Variants in CNTNAP2 observed in about 807,000 individuals in gnomAD.
CNTNAP2 encodes contactin associated protein 2.
CNTNAP2 carries 98 observed loss-of-function variants against 155.2 expected under a neutral mutation model. The observed-to-expected ratio is 0.63, with a 90% CI of 0.54 to 0.75. CNTNAP2 has a LOEUF of 0.75. Ranked by LOEUF, CNTNAP2 falls within the 30% of genes least tolerant of loss-of-function variation. The probability of loss-of-function intolerance (pLI) is 0.00; values close to 1 mark genes in which losing one functional copy is unlikely to be tolerated. For synonymous variants in CNTNAP2, 651 were observed against 631.2 expected, an observed-to-expected ratio of 1.03 and a Z score of -0.47; for missense variants, 1,727 against 1,688.1, an observed-to-expected ratio of 1.02 and a Z score of -0.40.
chr7:146,151,908 G>A (rs941301633), intron 1 of CNTNAP2, among the ~76,000 whole-genome samples: 3 of 150,658 alleles, frequency 2.0e-5, no homozygotes, highest in East Asian at 2.0e-4. Flanking sequence ...ACTCTCAAAC[G>A]CTGTTGGGAA....
chr7:147,522,950 T>C (rs1461618356), intron 11 of CNTNAP2, among the ~76,000 whole-genome samples: 1 of 152,192 alleles, frequency 6.6e-6, no homozygotes, highest in African/African-American at 2.4e-5. Context: ...TTCATTTTCA[T>C]ACTAGTTATG....
At chr7:146,117,152 T>G (rs1051030189) in intron 1 of CNTNAP2, 179 bp downstream of exon 1, 2 of 616,108 alleles carry the variant, frequency 3.2e-6, no homozygotes, top group Non-Finnish European at 5.8e-6. Context: ...GTTTCTGTTT[T>G]GGAAGAGACA....
chr7:148,373,643 A>G (rs963650302), intron 21 of CNTNAP2, among the ~76,000 whole-genome samples: 14 of 152,292 alleles, frequency 9.2e-5, no homozygotes, highest in African/African-American at 2.9e-4. Flanking sequence ...ACATATTACA[A>G]TGAGACCATA....
chr7:146,357,222 T>C, intron 1 of CNTNAP2, among the ~76,000 whole-genome samples: 1 of 105,530 alleles, frequency 9.5e-6, no homozygotes, highest in Admixed American at 1.3e-4. Context: ...TGTGACAACA[T>C]ACAGTGCTCC....
At chr7:146,713,898 C>G (rs1801141576) in intron 1 of CNTNAP2, among the ~76,000 whole-genome samples, 1 of 151,912 alleles carries the variant, frequency 6.6e-6, no homozygotes, top group African/African-American at 2.4e-5. Flanking sequence ...ATACCTAGCT[C>G]AGAGCATTAT....
At chr7:148,271,918 T>A (rs1410067830) in intron 21 of CNTNAP2, among the ~76,000 whole-genome samples, 1 of 152,148 alleles carries the variant, frequency 6.6e-6, no homozygotes, top group Admixed American at 6.5e-5. Context: ...AGTTTCATGC[T>A]CCAAAGTTGT....
chr7:146,201,259 C>G (rs919879368), intron 1 of CNTNAP2, among the ~76,000 whole-genome samples: 5 of 152,086 alleles, frequency 3.3e-5, no homozygotes, highest in Non-Finnish European at 7.4e-5. Flanking sequence ...TTTATCTGAA[C>G]TTTCTGGGGG....
chr7:147,294,189 C>T (rs1236904626), intron 8 of CNTNAP2, among the ~76,000 whole-genome samples: 3 of 152,156 alleles, frequency 2.0e-5, no homozygotes, highest in Non-Finnish European at 2.9e-5. Flanking sequence ...TCCATTTTCC[C>T]TGGATTATTT....
At chr7:147,129,776 C>G (rs1801315531) in intron 7 of CNTNAP2, among the ~76,000 whole-genome samples, 1 of 152,086 alleles carries the variant, frequency 6.6e-6, no homozygotes, top group East Asian at 1.9e-4. Flanking sequence ...AATGAATAAA[C>G]AGTTCAGGTT....
rs150685042 is a variant in CNTNAP2, at chr7:146,512,297, T to C, written c.98-261974T>C. ...GTCTCGATTTCATTTATTTATTCTC[T>C]GAACTTTATGATTTCTTGCCTCATA... On this transcript the variant is annotated intron_variant, in intron 1 of 23. Coordinates refer to ENST00000361727, the MANE Select transcript of CNTNAP2 (RefSeq NM_014141.6). 4.4e-3 allele frequency among the ~76,000 whole-genome samples: 665 copies of C among 152,142 alleles called. 7 individuals carry two copies. The highest frequency in any genetic ancestry group is 0.015 in the African/African-American group (628 of 41,560).
rs1797206828 is a variant in CNTNAP2 at position 146,947,523 on chromosome 7, ATG to A, written c.403-96382_403-96381del. On this transcript the variant is annotated intron_variant, in intron 3 of 23. Coordinates refer to ENST00000361727, the MANE Select transcript of CNTNAP2 (RefSeq NM_014141.6). Reference sequence around the variant, plus strand: ...ATCTTTCTAGATATATATAGTGTGTATGTATGTGTGTGTGTGTGTATGTGTGT... The same window carrying A: ...ATCTTTCTAGATATATATAGTGTGTATATGTGTGTGTGTGTGTATGTGTGT... Among the ~76,000 whole-genome samples the A allele has an allele frequency of 4.6e-5, 6 of 130,442 alleles. No homozygotes were observed. The South Asian group carries it at 7.2e-4, about 16-fold the overall frequency. The allele number at this position is 130,442 out of a possible 152,430, so 85.6% of individuals were successfully genotyped here. A position where few individuals can be genotyped will look rare whatever the true frequency, so the allele number is the denominator to read the frequency against.
At chr7:146,654,239 C>T (rs1799960289) in intron 1 of CNTNAP2, among the ~76,000 whole-genome samples, 1 of 151,846 alleles carries the variant, frequency 6.6e-6, no homozygotes, top group Non-Finnish European at 1.5e-5. Context: ...AAAATAATGG[C>T]GTAAAGATTT....
At chr7:146,812,873 A>C (rs893492881) in intron 2 of CNTNAP2, among the ~76,000 whole-genome samples, 1 of 152,018 alleles carries the variant, frequency 6.6e-6, no homozygotes, top group Non-Finnish European at 1.5e-5. Context: ...ATGGTGCCCT[A>C]TGTCTCAGCT....
intron 1 of CNTNAP2, among the ~76,000 whole-genome samples, chr7:146,386,653 T>G (rs538242731): frequency 1.5e-4 from 23 of 152,332 alleles, no homozygotes; most frequent in Non-Finnish European, 3.2e-4. Context: ...CCCAAAGTGT[T>G]GGGATTACAG....
chr7:148,230,214 T>C (rs1232000102), intron 20 of CNTNAP2, among the ~76,000 whole-genome samples: 1 of 152,238 alleles, frequency 6.6e-6, no homozygotes, highest in East Asian at 1.9e-4. Flanking sequence ...TCTCTCTCTC[T>C]GCAGAGCCTT....
At chr7:146,538,261 A>G (rs1797899849) in intron 1 of CNTNAP2, among the ~76,000 whole-genome samples, 1 of 152,120 alleles carries the variant, frequency 6.6e-6, no homozygotes, top group Non-Finnish European at 1.5e-5. Flanking sequence ...ATGACAAACA[A>G]CCTCAAGTCT....
chr7:146,932,430 T>C lies in CNTNAP2; in HGVS notation c.402+92526T>C, dbSNP rs576774548. On this transcript the variant is annotated intron_variant, in intron 3 of 23. Coordinates refer to ENST00000361727, the MANE Select transcript of CNTNAP2 (RefSeq NM_014141.6). ...CTCAATAAATTAGGTATTGATGGGA[T>C]GTATGGCAAAATAATAAGAGCTATC... Among the ~76,000 whole-genome samples the C allele has an allele frequency of 4.1e-3, 618 of 149,438 alleles. 2 individuals are homozygous for C. Among genetic ancestry groups the C allele is most frequent in the African/African-American group, 0.015 (593 of 38,848 alleles).
intron 1 of CNTNAP2, among the ~76,000 whole-genome samples, chr7:146,171,497 CACTT>C (rs1160154879): frequency 2.0e-5 from 3 of 152,052 alleles, no homozygotes; most frequent in Non-Finnish European, 2.9e-5. Flanking sequence ...TTTTAAATCT[CACTT>C]AATTATAATC....
intron 13 of CNTNAP2, among the ~76,000 whole-genome samples, chr7:147,664,058 A>T (rs1349989278): frequency 6.6e-6 from 1 of 152,192 alleles, no homozygotes; most frequent in African/African-American, 2.4e-5. Context: ...ATTAATAGAA[A>T]TTTTTCATGT....
Sources: gnomAD v4.1 joint callset for allele counts (sites outside exome capture counted in the v4.1 genomes callset) on GRCh38, gnomAD v4.1.1 for gene constraint, MANE v1.5 for transcripts, NCBI Gene and HGNC (gene_info 2026-07-23, HGNC 2026-07-21) for gene names.